Variants in PCED1B observed in about 807,000 individuals in gnomAD.
PCED1B encodes PC-esterase domain containing 1B.
For missense variants in PCED1B, 573 were observed against 573.9 expected, an observed-to-expected ratio of 1.00 and a Z score of 0.02; for synonymous variants, 251 against 246.1, an observed-to-expected ratio of 1.02 and a Z score of -0.19.
chr12:47,234,976 C>T (rs1356852141), intron 3 of PCED1B, 31 bp from the exon 4 acceptor site: 2 of 1,291,360 alleles, frequency 1.5e-6, no homozygotes, highest in African/African-American at 1.5e-5. Context: ...AGAGGTGAGT[C>T]CCTCCCAGCC....
chr12:47,105,807 C>T (rs570758309), intron 2 of PCED1B, among the ~76,000 whole-genome samples: 8 of 152,052 alleles, frequency 5.3e-5, no homozygotes, highest in Admixed American at 4.6e-4. Context: ...GAATACAGTG[C>T]ATGATTAAAG....
chr12:47,152,702 A>G (rs764718687), intron 2 of PCED1B, among the ~76,000 whole-genome samples: 4 of 151,848 alleles, frequency 2.6e-5, no homozygotes, highest in African/African-American at 7.3e-5. Flanking sequence ...AGTCCGAGGC[A>G]GGTGGATCAC....
At chr12:47,228,696 C>A (rs1247459744) in intron 3 of PCED1B, among the ~76,000 whole-genome samples, 2 of 151,820 alleles carry the variant, frequency 1.3e-5, no homozygotes, top group Non-Finnish European at 2.9e-5. Flanking sequence ...ATGGTGAAAC[C>A]CCGTCTCTAC....
chr12:47,235,923 C>A lies in PCED1B; in HGVS notation c.860C>A (p.Ala287Asp), dbSNP rs1302684875. ...CCCCAGGCCAACAGAAATCACCCGGCCTTACCTCTGTCCCCACCCTTACCT... is the reference window on the plus strand; with the variant it reads ...CCCCAGGCCAACAGAAATCACCCGGACTTACCTCTGTCCCCACCCTTACCT... ...GPPQANRNHP[A>D]LPLSPPLPSP... The change falls in exon 4 of 4, where the codon GCC becomes GAC. Residue 287 changes from alanine to aspartate, a missense_variant. Transcript: ENST00000546455. 1 of 1,610,330 alleles carries A rather than the reference C, an allele frequency of 6.2e-7. No homozygotes were observed.
chr12:47,218,346 G>C (rs1253013446), intron 3 of PCED1B, among the ~76,000 whole-genome samples: 1 of 152,250 alleles, frequency 6.6e-6, no homozygotes, highest in African/African-American at 2.4e-5. Flanking sequence ...TTGTTCCTCA[G>C]CTTCCTTAGT....
intron 2 of PCED1B, among the ~76,000 whole-genome samples, chr12:47,111,639 G>A (rs1939200787): frequency 6.6e-6 from 1 of 151,954 alleles, no homozygotes; most frequent in South Asian, 2.1e-4. Context: ...TTCTGCCTGT[G>A]AGTTTGTCTC....
chr12:47,138,831 A>G (rs1940484652), intron 2 of PCED1B, among the ~76,000 whole-genome samples: 1 of 152,214 alleles, frequency 6.6e-6, no homozygotes, highest in Non-Finnish European at 1.5e-5. Flanking sequence ...CCAGGCTGCC[A>G]CTTGTTTACC....
At chr12:47,144,682 T>A (rs1478676356) in intron 2 of PCED1B, among the ~76,000 whole-genome samples, 1 of 152,206 alleles carries the variant, frequency 6.6e-6, no homozygotes, top group Non-Finnish European at 1.5e-5. Flanking sequence ...CAATGGTAAC[T>A]ATTTGTGTAT....
intron 2 of PCED1B, chr12:47,138,422 A>C (rs150410633): frequency 1.3e-5 from 2 of 152,360 alleles, no homozygotes; most frequent in East Asian, 3.9e-4. Context: ...CAGAATAAGC[A>C]TAGAACTGGA....
chr12:47,122,397 G>A (rs1220412629), intron 2 of PCED1B, among the ~76,000 whole-genome samples: 1 of 152,126 alleles, frequency 6.6e-6, no homozygotes, highest in African/African-American at 2.4e-5. Context: ...ATACTCCCTT[G>A]ATCCAGAACT....
intron 3 of PCED1B, among the ~76,000 whole-genome samples, chr12:47,217,481 A>AAAG (rs1943317242): frequency 8.2e-6 from 1 of 122,318 alleles, no homozygotes; most frequent in Non-Finnish European, 1.6e-5. Context: ...AGAAAGAAAG[A>AAAG]AAGAAAGAAA....
chr12:47,217,513 AAAG>A (rs1293570808), intron 3 of PCED1B, among the ~76,000 whole-genome samples: 7 of 131,786 alleles, frequency 5.3e-5, no homozygotes, highest in African/African-American at 2.1e-4. Context: ...AGAAAGAAAG[AAAG>A]AAGAAAGAGA....
chr12:47,121,892 T>C (rs10219683), intron 2 of PCED1B, among the ~76,000 whole-genome samples: 69,173 of 151,358 alleles, frequency 0.46, 17,347 homozygotes, highest in African/African-American at 0.68. Context: ...ATTAGCCGGG[T>C]ATGGTGGTGG....
chr12:47,222,553 A>G (rs1463714165), intron 3 of PCED1B, among the ~76,000 whole-genome samples: 3 of 152,088 alleles, frequency 2.0e-5, no homozygotes, highest in African/African-American at 4.8e-5. Context: ...TCTGAAACTC[A>G]GGAGACAGGT....
At chr12:47,082,067 A>G (rs575065048) in intron 1 of PCED1B, among the ~76,000 whole-genome samples, 13 of 152,342 alleles carry the variant, frequency 8.5e-5, no homozygotes, top group Admixed American at 7.8e-4. Context: ...CTGGGAGGAA[A>G]GAAAGATAAG....
At chr12:47,110,460 G>T (rs1565752795) in intron 2 of PCED1B, among the ~76,000 whole-genome samples, 2 of 152,276 alleles carry the variant, frequency 1.3e-5, no homozygotes, top group Middle Eastern at 3.4e-3. Context: ...ACAGTTTGTG[G>T]TTAACAAAGA....
intron 2 of PCED1B, among the ~76,000 whole-genome samples, chr12:47,165,749 C>T (rs953904523): frequency 1.3e-5 from 2 of 151,980 alleles, no homozygotes; most frequent in Non-Finnish European, 1.5e-5. Context: ...TCTTTGGAGC[C>T]GGTTTTGTTA....
At chr12:47,209,327 A>C (rs949330872) in intron 2 of PCED1B, 3 of 152,296 alleles carry the variant, frequency 2.0e-5, no homozygotes, top group Non-Finnish European at 4.4e-5. Flanking sequence ...GGTGTTCGAG[A>C]CCAGCCTGGC....
In PCED1B at chr12:47,089,461, C is replaced by CATGTATATATATATGTATATATATATAT. The variant is rs1233280547; in HGVS notation, c.-609+9738_-609+9739insGTATATATATATGTATATATATATATAT. On this transcript the variant is annotated intron_variant, in intron 1 of 3. Coordinates refer to ENST00000546455, the MANE Select transcript of PCED1B (RefSeq NM_138371.3). ...GACTCCATCTCAAAAAAAAAAAATA[C>CATGTATATATATATGTATATATATATAT]ATATATATATATATATATATATATA... 5.8e-4 allele frequency among the ~76,000 whole-genome samples: 37 copies of CATGTATATATATATGTATATATATATAT among 63,410 alleles called. 1 individual carries two copies. The highest frequency in any genetic ancestry group is 8.1e-4 in the Non-Finnish European group (28 of 34,444). 41.6% of individuals were successfully genotyped at this position (63,410 alleles called of 152,430 possible).
Sources: allele counts gnomAD v4.1 joint callset (sites outside exome capture counted in the v4.1 genomes callset), GRCh38; gene constraint gnomAD v4.1.1; transcripts MANE v1.5; gene names NCBI Gene and HGNC (gene_info 2026-07-23, HGNC 2026-07-21).